Variants in CNTN6 observed in about 807,000 individuals in gnomAD.
CNTN6 encodes the protein contactin-6.
Under a neutral mutation model 122.8 loss-of-function variants are expected in CNTN6, and 137 were observed. The observed-to-expected ratio is 1.12, with a 90% CI of 0.97 to 1.29. The LOEUF (loss-of-function observed/expected upper bound fraction) is 1.29. Ranked by LOEUF, CNTN6 falls within the 50% of genes most tolerant of loss-of-function variation. CNTN6 has a pLI of 0.00. For synonymous variants in CNTN6, 570 were observed against 426.0 expected, an observed-to-expected ratio of 1.34 and a Z score of -4.16; for missense variants, 1,634 against 1,223.4, an observed-to-expected ratio of 1.34 and a Z score of -5.01.
rs150338565 is a variant in CNTN6, at chr3:1,295,687, T to C, written c.541T>C (p.Leu181=). Residue 181 remains leucine, a synonymous_variant, in exon 6 of 23, where the codon TTG becomes CTG. Coordinates refer to ENST00000446702, the MANE Select transcript of CNTN6 (RefSeq NM_001289080.2). ...ATTTGTATCTCAAGAGACGGGAAACTTGTACATTGCCAAAGTGGAACCATC... is the reference window on the plus strand; with the variant it reads ...ATTTGTATCTCAAGAGACGGGAAACCTGTACATTGCCAAAGTGGAACCATC... ...RRFVSQETGN[L]YIAKVEPSDV... The C allele has an allele frequency of 0.01, 16,332 of 1,614,044 alleles. 112 individuals are homozygous for C. Among genetic ancestry groups the C allele is most frequent in the South Asian group, 0.012 (1,128 of 91,078 alleles).
chr3:1,310,652 C>G (rs1262416215), intron 7 of CNTN6, among the ~76,000 whole-genome samples: 3 of 152,128 alleles, frequency 2.0e-5, no homozygotes, highest in African/African-American at 7.2e-5. Context: ...AATATTCTCT[C>G]TGCTTCCATT....
chr3:1,293,919 G>C (rs767718838), intron 5 of CNTN6, among the ~76,000 whole-genome samples: 6 of 152,090 alleles, frequency 3.9e-5, no homozygotes, highest in Non-Finnish European at 8.8e-5. Context: ...ATTTGCTTTT[G>C]CTCAAAGATT....
chr3:1,158,861 T>TGTGTATATATATGTATATATAC (rs1559422392), intron 2 of CNTN6, among the ~76,000 whole-genome samples: 9 of 100,542 alleles, frequency 9.0e-5, no homozygotes, highest in African/African-American at 4.6e-4. Context: ...TACATATATA[T>TGTGTATATATATGTATATATAC]ACACACATAT....
intron 2 of CNTN6, among the ~76,000 whole-genome samples, chr3:1,186,603 T>G (rs1300089530): frequency 6.6e-6 from 1 of 152,156 alleles, no homozygotes; most frequent in Non-Finnish European, 1.5e-5. Context: ...ATCTTTTATT[T>G]GCAAAGTGAA....
intron 11 of CNTN6, among the ~76,000 whole-genome samples, chr3:1,335,026 T>C (rs535358197): frequency 6.6e-6 from 1 of 152,272 alleles, no homozygotes; most frequent in African/African-American, 2.4e-5. Context: ...TATAACATTC[T>C]TCTTGCCCTT....
intron 1 of CNTN6, among the ~76,000 whole-genome samples, chr3:1,111,703 A>G (rs1031122918): frequency 6.6e-6 from 1 of 152,122 alleles, no homozygotes; most frequent in Non-Finnish European, 1.5e-5. Context: ...ATCTTATTAT[A>G]TTTCTTTCAA....
At chr3:1,263,379 T>C (rs74592086) in intron 4 of CNTN6, among the ~76,000 whole-genome samples, 4,863 of 152,194 alleles carry the variant, frequency 0.032, 270 homozygotes, top group African/African-American at 0.11. Context: ...CCCAGTCTCT[T>C]ATAACCTAAT....
rs1211830963 is a variant in CNTN6 at position 1,386,147 on chromosome 3, A to G, written c.2704+350A>G. Among the ~76,000 whole-genome samples the G allele has an allele frequency of 2.0e-5, 3 of 152,270 alleles. No individual in the cohort carries two copies. The South Asian group carries it at 6.2e-4, about 32-fold the overall frequency. ...ATTTATCTTTGAGTCTCAGTTGCCT[A>G]CCTATAAAATGAGGAAAAAGTCATA... On this transcript the variant is annotated intron_variant, in intron 20 of 22. Coordinates refer to ENST00000446702, the MANE Select transcript of CNTN6 (RefSeq NM_001289080.2).
chr3:1,107,966 T>C (rs2091302876), intron 1 of CNTN6, among the ~76,000 whole-genome samples: 1 of 152,104 alleles, frequency 6.6e-6, no homozygotes, highest in Non-Finnish European at 1.5e-5. Context: ...AGATTTGGAA[T>C]CTCCAGTTGT....
intron 20 of CNTN6, among the ~76,000 whole-genome samples, chr3:1,387,050 T>C (rs564227480): frequency 2.0e-5 from 3 of 152,336 alleles, no homozygotes; most frequent in East Asian, 3.9e-4. Context: ...GGGTACATCA[T>C]TGACTCACAA....
chr3:1,229,266 A>G (rs2094324246), intron 4 of CNTN6, among the ~76,000 whole-genome samples: 1 of 152,188 alleles, frequency 6.6e-6, no homozygotes, highest in Non-Finnish European at 1.5e-5. Context: ...AGGGAACAAA[A>G]TAACATAAAA....
intron 1 of CNTN6, among the ~76,000 whole-genome samples, chr3:1,137,958 T>A (rs985395356): frequency 6.6e-6 from 1 of 152,212 alleles, no homozygotes; most frequent in African/African-American, 2.4e-5. Flanking sequence ...AATAATAAGT[T>A]TAATCTTTCT....
chr3:1,292,280 G>C (rs1042150423), intron 5 of CNTN6, among the ~76,000 whole-genome samples: 6 of 152,126 alleles, frequency 3.9e-5, no homozygotes, highest in Non-Finnish European at 5.9e-5. Flanking sequence ...AATGTAAACA[G>C]ACAGCTGTAA....
intron 2 of CNTN6, among the ~76,000 whole-genome samples, chr3:1,202,267 G>A (rs78836314): frequency 0.11 from 16,247 of 152,230 alleles, 926 homozygotes; most frequent in Non-Finnish European, 0.13. Context: ...TGGGCCGGGC[G>A]CGGTGGCTCA....
intron 20 of CNTN6, 44 bp downstream of exon 20, chr3:1,385,841 A>T (rs1692815993): frequency 2.0e-6 from 3 of 1,508,730 alleles, no homozygotes; most frequent in Middle Eastern, 1.8e-4. Context: ...ATCTGTGAAG[A>T]GCAACCTATT....
chr3:1,271,146 G>C (rs1302741402), intron 4 of CNTN6, among the ~76,000 whole-genome samples: 1 of 152,186 alleles, frequency 6.6e-6, no homozygotes, highest in Admixed American at 6.5e-5. Flanking sequence ...CCAAATTGCT[G>C]GGATTACAGG....
intron 1 of CNTN6, among the ~76,000 whole-genome samples, chr3:1,110,573 C>A (rs1324108509): frequency 1.3e-5 from 2 of 152,038 alleles, no homozygotes; most frequent in African/African-American, 4.8e-5. Context: ...ATTCCTTATA[C>A]AGACGAAGCT....
At chr3:1,293,792 A>C (rs17271469) in intron 5 of CNTN6, among the ~76,000 whole-genome samples, 32,589 of 152,046 alleles carry the variant, frequency 0.21, 3,585 homozygotes, top group Non-Finnish European at 0.24. Flanking sequence ...TCTCCTTTGG[A>C]CCAGCTATAT....
intron 20 of CNTN6, among the ~76,000 whole-genome samples, chr3:1,398,080 G>A (rs1206288385): frequency 2.0e-5 from 3 of 152,084 alleles, no homozygotes; most frequent in Non-Finnish European, 4.4e-5. Context: ...AGTTAGAAAA[G>A]TGCTTGTTTG....
Sources: allele counts gnomAD v4.1 joint callset (sites outside exome capture counted in the v4.1 genomes callset), GRCh38; gene constraint gnomAD v4.1.1; transcripts MANE v1.5; gene names NCBI Gene and HGNC (gene_info 2026-07-23, HGNC 2026-07-21).